Variants in LYN observed in about 807,000 individuals in gnomAD.
LYN encodes tyrosine-protein kinase Lyn.
LYN carries 12 observed loss-of-function variants against 65.0 expected under a neutral mutation model. That is an observed-to-expected ratio of 0.18 (90% CI 0.12 to 0.30). LYN has a LOEUF of 0.30. Among genes scored for constraint, LYN ranks in the 10% least tolerant of loss-of-function variants. The pLI, the probability that LYN is intolerant of heterozygous loss-of-function variation, is 1.00. For missense variants in LYN, 380 were observed against 623.2 expected (o/e 0.61, Z 4.16); for synonymous variants, 222 against 221.2 (o/e 1.00, Z -0.03).
chr8:55,957,552 T>C (rs570029789), intron 8 of LYN, among the ~76,000 whole-genome samples: 1 of 152,338 alleles, frequency 6.6e-6, no homozygotes, highest in South Asian at 2.1e-4. Context: ...AAGCATCAAA[T>C]TGCATGCTAT....
chr8:55,999,740 G>A (rs554696658), intron 12 of LYN, among the ~76,000 whole-genome samples, 191 bp downstream of exon 12: 63 of 152,296 alleles, frequency 4.1e-4, no homozygotes, highest in Non-Finnish European at 7.6e-4. Flanking sequence ...GGGAGGCCGA[G>A]GCAGGTGGAT....
chr8:56,009,775 A>G, intron 12 of LYN, 133 bp from the exon 13 acceptor site: 1 of 717,494 alleles, frequency 1.4e-6, no homozygotes, highest in East Asian at 2.7e-5. Flanking sequence ...TTCAACCCCT[A>G]ACAGCCTCAG....
intron 1 of LYN, among the ~76,000 whole-genome samples, chr8:55,902,333 T>TTCTTTC (rs1554574728): frequency 7.5e-4 from 104 of 137,790 alleles, no homozygotes; most frequent in African/African-American, 1.2e-3. Flanking sequence ...CTTTCTTTCT[T>TTCTTTC]TTTTTTTTTT....
Position 55,925,103 on chromosome 8 carries a change from G to A in LYN, c.-5-16752G>A, listed in dbSNP as rs552038863. 4.6e-5 allele frequency among the ~76,000 whole-genome samples: 7 copies of A among 151,780 alleles called. No individual in the cohort carries two copies. In the South Asian group the frequency reaches 1.0e-3, roughly 23 times the overall value. On this transcript the variant is annotated intron_variant, in intron 1 of 12. Transcript: ENST00000519728. ...CTTCCAAAGTGTTGGGATTACAGGC[G>A]TGAGCCACCGTGCCCGGCCTCTTTT...
intron 10 of LYN, among the ~76,000 whole-genome samples, chr8:55,972,471 T>C (rs1807636205): frequency 6.6e-6 from 1 of 152,198 alleles, no homozygotes; most frequent in Admixed American, 6.5e-5. Context: ...CCTGTACGCT[T>C]CAGCTTCAGC....
At chr8:55,947,435 AGT>A (rs1806810675) in intron 3 of LYN, among the ~76,000 whole-genome samples, 181 bp from the exon 4 acceptor site, 2 of 152,208 alleles carry the variant, frequency 1.3e-5, no homozygotes. Context: ...TACTGGACAC[AGT>A]GTATACAGCA....
At chr8:55,968,402 C>G (rs1027169397) in intron 9 of LYN, among the ~76,000 whole-genome samples, 3 of 152,134 alleles carry the variant, frequency 2.0e-5, no homozygotes, top group African/African-American at 7.2e-5. Flanking sequence ...ATTACAGGTG[C>G]CTGCCACCAT....
intron 10 of LYN, among the ~76,000 whole-genome samples, chr8:55,989,141 G>A (rs947110210): frequency 6.6e-6 from 1 of 152,238 alleles, no homozygotes; most frequent in Admixed American, 6.5e-5. Context: ...CTCAGAGCCT[G>A]CGCCTCGGGT....
Position 55,933,573 on chromosome 8 carries a change from C to G in LYN, c.-5-8282C>G, listed in dbSNP as rs1806330277. ...AGATTGTATCACTTATCCTCTCATGCCAAGCCCAGTGATTTCATTTTATGG... is the reference window on the plus strand; with the variant it reads ...AGATTGTATCACTTATCCTCTCATGGCAAGCCCAGTGATTTCATTTTATGG... On this transcript the variant is annotated intron_variant, in intron 1 of 12. Coordinates refer to ENST00000519728, the MANE Select transcript of LYN (RefSeq NM_002350.4). Among the ~76,000 whole-genome samples the G allele has an allele frequency of 3.3e-5, 5 of 152,310 alleles. No individual in the cohort carries two copies. In the South Asian group the frequency reaches 6.2e-4, roughly 19 times the overall value.
At chr8:56,006,697 C>T (rs933310934) in intron 12 of LYN, among the ~76,000 whole-genome samples, 2 of 152,028 alleles carry the variant, frequency 1.3e-5, no homozygotes, top group African/African-American at 4.8e-5. Context: ...AGTTCATGAC[C>T]CATAGTGAGC....
intron 1 of LYN, among the ~76,000 whole-genome samples, chr8:55,937,974 C>T (rs1194253885): frequency 2.0e-5 from 3 of 152,064 alleles, no homozygotes; most frequent in African/African-American, 2.4e-5. Flanking sequence ...TGGGATTACA[C>T]TTGTGAGCCA....
chr8:55,955,783 T>C (rs1807089199), intron 8 of LYN, among the ~76,000 whole-genome samples: 1 of 152,210 alleles, frequency 6.6e-6, no homozygotes, highest in Non-Finnish European at 1.5e-5. Flanking sequence ...TATTTGCCCT[T>C]TTGTGTCTGG....
At chr8:55,987,182 G>A (rs987673210) in intron 10 of LYN, among the ~76,000 whole-genome samples, 14 of 152,074 alleles carry the variant, frequency 9.2e-5, no homozygotes, top group African/African-American at 3.4e-4. Flanking sequence ...GGAGGCTAAG[G>A]CAGGCGGATC....
chr8:55,880,352 G>A (rs1210958106), intron 1 of LYN, among the ~76,000 whole-genome samples: 1 of 151,900 alleles, frequency 6.6e-6, no homozygotes, highest in African/African-American at 2.4e-5. Context: ...CTCCGCAGGT[G>A]TCCGCCGCGG....
intron 10 of LYN, among the ~76,000 whole-genome samples, chr8:55,971,892 G>C (rs1807618779): frequency 6.6e-6 from 1 of 152,198 alleles, no homozygotes; most frequent in South Asian, 2.1e-4. Context: ...TAGCTTACGA[G>C]GAAGATTACC....
intron 12 of LYN, among the ~76,000 whole-genome samples, chr8:56,007,060 G>C (rs1205635325): frequency 6.6e-6 from 1 of 152,022 alleles, no homozygotes; most frequent in Non-Finnish European, 1.5e-5. Flanking sequence ...GAACATACTG[G>C]AACCAGGAAA....
At chr8:55,977,264 C>G (rs1807784265) in intron 10 of LYN, among the ~76,000 whole-genome samples, 1 of 152,112 alleles carries the variant, frequency 6.6e-6, no homozygotes, top group Non-Finnish European at 1.5e-5. Flanking sequence ...GTAGATAACT[C>G]TGGTTTAAAA....
intron 10 of LYN, among the ~76,000 whole-genome samples, chr8:55,983,939 A>G (rs773625238): frequency 6.6e-6 from 1 of 152,198 alleles, no homozygotes; most frequent in Non-Finnish European, 1.5e-5. Flanking sequence ...GAAGTCTGGA[A>G]TGAAGGTATA....
chr8:55,979,423 G>T (rs1807855481), intron 10 of LYN, among the ~76,000 whole-genome samples: 1 of 152,096 alleles, frequency 6.6e-6, no homozygotes, highest in South Asian at 2.1e-4. Flanking sequence ...TTAAATTATT[G>T]GTTTTTAAAA....
Sources: allele counts gnomAD v4.1 joint callset (sites outside exome capture counted in the v4.1 genomes callset), GRCh38; gene constraint gnomAD v4.1.1; transcripts MANE v1.5; gene names NCBI Gene and HGNC (gene_info 2026-07-23, HGNC 2026-07-21).